The following PCDHGB5 variants were observed in gnomAD, a reference collection of about 807,000 sequenced individuals.
PCDHGB5 encodes protocadherin gamma subfamily B, 5, also known as protocadherin gamma-B5.
Under a neutral mutation model 62.9 loss-of-function variants are expected in PCDHGB5, and 48 were observed. The ratio of observed to expected loss-of-function variants is 0.76; its 90% confidence interval spans 0.61 to 0.97. The LOEUF (loss-of-function observed/expected upper bound fraction) is 0.97, where lower values mean the gene tolerates loss of function less well. Among genes scored for constraint, PCDHGB5 ranks in the 50% least tolerant of loss-of-function variants. The probability of loss-of-function intolerance (pLI) is 0.00; values close to 1 mark genes in which losing one functional copy is unlikely to be tolerated. For synonymous variants in PCDHGB5, 474 were observed against 511.2 expected, an observed-to-expected ratio of 0.93 and a Z score of 0.98; for missense variants, 1,118 against 1,198.6, an observed-to-expected ratio of 0.93 and a Z score of 0.99.
intron 1 of PCDHGB5, chr5:141,410,263 A>G (rs532833925): frequency 1.4e-5 from 22 of 1,613,876 alleles, no homozygotes; most frequent in African/African-American, 2.7e-5. Flanking sequence ...CCCAGGCTGA[A>G]CTGCAGTTTT....
At chr5:141,409,936 A>G in intron 1 of PCDHGB5, 2 of 1,613,064 alleles carry the variant, frequency 1.2e-6, no homozygotes, top group Non-Finnish European at 1.7e-6. Context: ...TCGATATGGT[A>G]CCTCGCTCTG....
chr5:141,407,425 CTT>C (rs1307911949), intron 1 of PCDHGB5, among the ~76,000 whole-genome samples: 3 of 151,864 alleles, frequency 2.0e-5, no homozygotes, highest in African/African-American at 4.8e-5. Context: ...AAAAATGTCT[CTT>C]GCCCTTAAAA....
intron 1 of PCDHGB5, among the ~76,000 whole-genome samples, chr5:141,481,194 T>C (rs74538051): frequency 0.017 from 2,576 of 152,298 alleles, 78 homozygotes; most frequent in African/African-American, 0.059. Context: ...CCAGGCCCAA[T>C]TTTTTTAAAA....
intron 1 of PCDHGB5, among the ~76,000 whole-genome samples, chr5:141,481,443 C>T (rs971405190): frequency 1.3e-5 from 2 of 152,174 alleles, no homozygotes; most frequent in African/African-American, 4.8e-5. Flanking sequence ...CAGTTTAGTA[C>T]ATGTAAATAC....
At position 141,487,610 on chromosome 5, in the gene PCDHGB5, C is replaced by A; in HGVS notation, c.2398-7197C>A. On this transcript the variant is annotated intron_variant, in intron 1 of 3. Transcript: ENST00000617380. The surrounding 1 kb of genome is among the most constrained non-coding windows in gnomAD (Gnocchi z 5.0). ...CCCACCCTCTGATCTTCTCTATGGG[C>A]TAGAGGTGAGACCTTTGCAGGCTCA... The A allele has an allele frequency of 6.2e-7, 1 of 1,614,190 alleles. No homozygotes were observed. The highest frequency in any genetic ancestry group is 1.1e-5 in the South Asian group (1 of 91,078).
intron 2 of PCDHGB5, among the ~76,000 whole-genome samples, chr5:141,499,884 C>T (rs917762715): frequency 2.0e-5 from 3 of 152,014 alleles, no homozygotes; most frequent in Admixed American, 6.5e-5. Flanking sequence ...AACAGGGTTT[C>T]GCCATGTTGG....
intron 1 of PCDHGB5, among the ~76,000 whole-genome samples, chr5:141,406,564 C>T (rs1475993893): frequency 6.6e-6 from 1 of 152,164 alleles, no homozygotes; most frequent in African/African-American, 2.4e-5. Flanking sequence ...CACTTCCAAA[C>T]CCTAGTAAAC....
intron 1 of PCDHGB5, among the ~76,000 whole-genome samples, chr5:141,434,567 C>T (rs1220152239): frequency 6.6e-6 from 1 of 152,206 alleles, no homozygotes; most frequent in East Asian, 1.9e-4. Flanking sequence ...TAAGGACATG[C>T]CCCTGCTGCA....
At chr5:141,414,964 G>C (rs1245472476) in intron 1 of PCDHGB5, 11 of 1,613,874 alleles carry the variant, frequency 6.8e-6, no homozygotes, top group Non-Finnish European at 9.3e-6. Context: ...CAAGGTGGTG[G>C]CGGTGGACAG....
intron 1 of PCDHGB5, chr5:141,415,066 C>T (rs777981621): frequency 1.4e-5 from 23 of 1,613,410 alleles, no homozygotes; most frequent in Non-Finnish European, 1.9e-5. Flanking sequence ...GGGCGAGGTG[C>T]GCACGGCGCG....
chr5:141,404,906 C>G, intron 1 of PCDHGB5: 8 of 1,613,864 alleles, frequency 5.0e-6, no homozygotes, highest in Non-Finnish European at 5.1e-6. Context: ...CCATGGCCAG[C>G]CCCCTCTCTC....
At position 141,477,984 on chromosome 5, in the gene PCDHGB5, T is replaced by A; in HGVS notation, c.2398-16823T>A. On this transcript the variant is annotated intron_variant, in intron 1 of 3. Coordinates refer to ENST00000617380, the MANE Select transcript of PCDHGB5 (RefSeq NM_018925.3). This position sits in a 1 kb window ranked among gnomAD's most constrained non-coding sequence, Gnocchi z 4.9. ...AACCAGAGCCTTTTTGCCATAGGGC[T>A]GCACACTGGTCAAATCAGTACTGCC... 6.2e-7 allele frequency: 1 copy of A among 1,614,146 alleles called. No homozygotes were observed. The highest frequency in any genetic ancestry group is 8.5e-7 in the Non-Finnish European group (1 of 1,180,028).
chr5:141,415,484 G>C (rs369349538), intron 1 of PCDHGB5: 18 of 1,614,102 alleles, frequency 1.1e-5, no homozygotes, highest in Non-Finnish European at 1.5e-5. Flanking sequence ...TCGCGAAAGA[G>C]TCACCTGATC....
chr5:141,455,936 C>T (rs1194722770), intron 1 of PCDHGB5, among the ~76,000 whole-genome samples: 3 of 151,422 alleles, frequency 2.0e-5, no homozygotes, highest in East Asian at 3.9e-4. Flanking sequence ...CTCGCTCTGT[C>T]GCCCAGGCTG....
At chr5:141,410,762 T>C in intron 1 of PCDHGB5, 1 of 1,171,656 alleles carries the variant, frequency 8.5e-7, no homozygotes, top group Non-Finnish European at 1.2e-6. Flanking sequence ...GTTTTTTCAA[T>C]TATAGTTTTC....
intron 1 of PCDHGB5, chr5:141,403,303 C>A: frequency 6.2e-7 from 1 of 1,613,820 alleles, no homozygotes; most frequent in African/African-American, 1.3e-5. Context: ...TGAAACTGTA[C>A]GGAATAGAAA....
chr5:141,487,293 C>T lies in PCDHGB5; in HGVS notation c.2398-7514C>T. ...GCAATTTGCTTTGTCTCCTTTGGCT[C>T]ATTCGTGGCACTACTCTCTAAGTGT... is the stretch of plus-strand genomic sequence containing the variant. On this transcript the variant is annotated intron_variant, in intron 1 of 3. Transcript: ENST00000617380. The surrounding 1 kb of genome is among the most constrained non-coding windows in gnomAD (Gnocchi z 5.0). 1 of 1,614,148 alleles carries T rather than the reference C, an allele frequency of 6.2e-7. No individual in the cohort carries two copies. Among genetic ancestry groups the T allele is most frequent in the Non-Finnish European group, 8.5e-7 (1 of 1,180,010 alleles).
intron 1 of PCDHGB5, chr5:141,433,201 CTTCT>C (rs759014851): frequency 3.9e-5 from 61 of 1,573,466 alleles, no homozygotes; most frequent in Admixed American, 1.2e-4. Flanking sequence ...TATATCAAAT[CTTCT>C]TTCTTTTTTT....
intron 3 of PCDHGB5, among the ~76,000 whole-genome samples, chr5:141,506,012 T>C (rs2099850012): frequency 6.6e-6 from 1 of 152,208 alleles, no homozygotes; most frequent in Non-Finnish European, 1.5e-5. Context: ...CCTCTTTTGC[T>C]GCCCCTAACT....
Sources: gnomAD v4.1 joint callset for allele counts (sites outside exome capture counted in the v4.1 genomes callset) on GRCh38, gnomAD v4.1.1 for gene constraint, Gnocchi (gnomAD v3.1) non-coding constraint, MANE v1.5 for transcripts, NCBI Gene and HGNC (gene_info 2026-07-23, HGNC 2026-07-21) for gene names.